The following TFE3 variants were observed in gnomAD, a reference collection of about 807,000 sequenced individuals.
TFE3 encodes the protein transcription factor binding to IGHM enhancer 3.
In TFE3, 5 loss-of-function variants were observed where a neutral mutation model predicts 35.0. The observed-to-expected ratio is 0.14, with a 90% CI of 0.07 to 0.30. The LOEUF (loss-of-function observed/expected upper bound fraction) is 0.30, where lower values mean the gene tolerates loss of function less well. Among genes scored for constraint, TFE3 ranks in the 10% least tolerant of loss-of-function variants. TFE3 has a pLI of 1.00. For missense variants in TFE3, 374 were observed against 496.6 expected (o/e 0.75, Z 2.35); for synonymous variants, 211 against 215.6 (o/e 0.98, Z 0.18).
rs2064738636 is a variant in TFE3 at position 49,037,776 on chromosome X, G to A, written c.885+234C>T. 3 of 367,880 alleles carry A rather than the reference G, an allele frequency of 8.2e-6. No individual in the cohort carries two copies. In the South Asian group the frequency reaches 1.5e-4, roughly 19 times the overall value. 30.3% of individuals were successfully genotyped at this position (367,880 alleles called of 1,213,427 possible). A position where few individuals can be genotyped will look rare whatever the true frequency, so the allele number is the denominator to read the frequency against. On this transcript the variant is annotated intron_variant, in intron 5 of 9. Transcript: ENST00000315869. Reference sequence around the variant, plus strand: ...CCCAAGCACTTTGATATGCCCTACTGTCTCAGTGAACTCCCCACCTGTATC... The same window carrying A: ...CCCAAGCACTTTGATATGCCCTACTATCTCAGTGAACTCCCCACCTGTATC...
intron 1 of TFE3, among the ~76,000 whole-genome samples, chrX:49,041,530 G>A (rs2064760413): frequency 9.0e-6 from 1 of 111,460 alleles, no homozygotes; most frequent in African/African-American, 3.3e-5. Flanking sequence ...GGAGAATTTG[G>A]GTGGTTGATC....
At chrX:49,033,348 G>T in intron 8 of TFE3, 117 bp downstream of exon 8, 1 of 655,653 alleles carries the variant, frequency 1.5e-6, no homozygotes, top group South Asian at 2.6e-5. Context: ...GAAAGAACCA[G>T]ACAGAGGAGA....
At chrX:49,037,567 C>T (rs2064737350) in intron 5 of TFE3, among the ~76,000 whole-genome samples, 1 of 110,102 alleles carries the variant, frequency 9.1e-6, no homozygotes, top group Non-Finnish European at 1.9e-5. Flanking sequence ...GGTATGGTGG[C>T]ACGTGCCTAT....
At position 49,028,954 on chromosome X, in the gene TFE3, G is replaced by T. The variant is rs2064682670; in HGVS notation, c.*1204C>A. On this transcript the variant is annotated 3_prime_UTR_variant, in exon 10 of 10. Transcript: ENST00000315869. ...CTGGGTGGGGAACAGAGGTTGGGGT[G>T]GCCTAGATTCTCAGTATGCGGAGCA... 1 of 171,150 alleles carries T rather than the reference G, an allele frequency of 5.8e-6. No individual in the cohort carries two copies. Among genetic ancestry groups the T allele is most frequent in the African/African-American group, 3.0e-5 (1 of 33,380 alleles). 14.1% of individuals were successfully genotyped at this position (171,150 alleles called of 1,213,427 possible). A position where few individuals can be genotyped will look rare whatever the true frequency, so the allele number is the denominator to read the frequency against.
intron 8 of TFE3, among the ~76,000 whole-genome samples, chrX:49,033,205 G>A (rs2064709493): frequency 9.0e-6 from 1 of 111,035 alleles, no homozygotes; most frequent in Admixed American, 9.6e-5. Context: ...AAAAAAAAAA[G>A]GAAGTACTAA....
Position 49,043,141 on chromosome X carries a change from C to G in TFE3, c.86G>C (p.Arg29Pro), listed in dbSNP as rs1557075987. The G allele has an allele frequency of 8.4e-7, 1 of 1,193,051 alleles. No homozygotes were observed. The highest frequency in any genetic ancestry group is 2.2e-5 in the Admixed American group (1 of 44,471). Residue 29 changes from arginine (R) to proline (P), a missense_variant, in exon 1 of 10, where the codon CGC becomes CCC. Transcript: ENST00000315869. ...CAGCTGAGCCGAGTCGGCCGGCCTG[C>G]GCTCCTCCAACAGCACGAACACGGC... ...PRAVFVLLEE[R>P]RPADSAQLLS...
rs1557074178 is a variant in TFE3, at chrX:49,033,719, G to C, written c.1060+7C>G. On this transcript the variant is annotated splice_region_variant and intron_variant, in intron 7 of 9. Coordinates refer to ENST00000315869, the MANE Select transcript of TFE3 (RefSeq NM_006521.6). ...CACCCGGGCAATGCACACGCTCTCT[G>C]GCTTACTTAGGTTGTGATTGTCTTT... The C allele has an allele frequency of 2.5e-6, 3 of 1,209,504 alleles. No individual in the cohort carries two copies. The African/African-American group carries it at 5.3e-5, about 21-fold the overall frequency.
chrX:49,043,100 C>T lies in TFE3; in HGVS notation c.116+11G>A. ...CCCAGTCGGCACTCCCAGCCCCAGG[C>T]GGCCCCGCACCTGAGCAGCTGAGCC... On this transcript the variant is annotated intron_variant, in intron 1 of 9. Transcript: ENST00000315869. 1 of 1,152,944 alleles carries T rather than the reference C, an allele frequency of 8.7e-7. No homozygotes were observed. The highest frequency in any genetic ancestry group is 1.2e-6 in the Non-Finnish European group (1 of 866,440).
chrX:49,040,303 G>T, intron 2 of TFE3, 152 bp downstream of exon 2: 1 of 435,245 alleles, frequency 2.3e-6, no homozygotes, highest in Non-Finnish European at 4.0e-6. Flanking sequence ...TTTCCTGTGT[G>T]ACATGCTCTT....
intron 1 of TFE3, 96 bp downstream of exon 1, chrX:49,043,015 C>T (rs1051775514): frequency 1.2e-5 from 9 of 742,832 alleles, no homozygotes; most frequent in Non-Finnish European, 1.7e-5. Flanking sequence ...AAGGCTAGGC[C>T]GAGGGCCTCC....
chrX:49,038,168 T>G, intron 4 of TFE3, 29 bp downstream of exon 4: 1 of 1,212,099 alleles, frequency 8.3e-7, no homozygotes, highest in Non-Finnish European at 1.1e-6. Flanking sequence ...GAGGGGAATG[T>G]GGGAGGAGGT....
chrX:49,034,076 G>A, intron 6 of TFE3, 58 bp downstream of exon 6: 2 of 997,603 alleles, frequency 2.0e-6, no homozygotes, highest in Non-Finnish European at 2.9e-6. Flanking sequence ...GACCTGGTAG[G>A]CACAGGGCTC....
In TFE3 at chrX:49,038,221, G is replaced by A. The variant is rs879958654; in HGVS notation, c.756C>T (p.Thr252=). ...SAPNSPMALL[T]IGSSSEKEID... ...CCTCCTTCTCTGAGCTGGACCCGAT[G>A]GTGAGCAGCGCCATGGGGCTGTTGG... The change falls in exon 4 of 10, where the codon ACC becomes ACT. Residue 252 remains threonine (T), a synonymous_variant. Transcript: ENST00000315869. The A allele has an allele frequency of 2.5e-6, 3 of 1,211,658 alleles. No individual in the cohort carries two copies. Among genetic ancestry groups the A allele is most frequent in the South Asian group, 3.5e-5 (2 of 56,980 alleles).
Position 49,040,413 on chromosome X carries a change from T to C in TFE3, c.230+42A>G, listed in dbSNP as rs782485856. ...GCCCATCAAGAGGGGAGAGGAGGGC[T>C]GAGGAATTGGGAGGGGAATCAGATA... On this transcript the variant is annotated intron_variant, in intron 2 of 9. Transcript: ENST00000315869. 2.9e-5 allele frequency: 31 copies of C among 1,059,436 alleles called. No homozygotes were observed. In the East Asian group the frequency reaches 9.4e-4, roughly 32 times the overall value. The allele number at this position is 1,059,436 out of a possible 1,213,427, so 87.3% of individuals were successfully genotyped here.
At position 49,034,177 on chromosome X, in the gene TFE3, G is replaced by A; in HGVS notation, c.960C>T (p.Asn320=). ...TGTTGGGCAGCTCAGCTGGGCAGGA[G>A]TTGCTGACAGTGATGGCTGGTGTGG... The part of the protein sequence containing the change: ...GVATPAITVS[N]SCPAELPNIK... The change falls in exon 6 of 10, where the codon AAC becomes AAT. Residue 320 remains asparagine (N), a synonymous_variant. Coordinates refer to ENST00000315869, the MANE Select transcript of TFE3 (RefSeq NM_006521.6). 8.3e-7 allele frequency: 1 copy of A among 1,211,000 alleles called. No homozygotes were observed. Among genetic ancestry groups the A allele is most frequent in the Non-Finnish European group, 1.1e-6 (1 of 894,941 alleles).
At position 49,039,379 on chromosome X, in the gene TFE3, T is replaced by C. The variant is rs781932892; in HGVS notation, c.262A>G (p.Thr88Ala). The change falls in exon 3 of 10, where the codon ACC becomes GCC. Residue 88 changes from threonine to alanine, a missense_variant. This residue lies in a region of TFE3 where 90 missense variants were observed against 87.5 expected (regional missense o/e 1.03). Coordinates refer to ENST00000315869, the MANE Select transcript of TFE3 (RefSeq NM_006521.6). ...GACGATGCAGAGAGTGTAGCTGGGGTGGCTGGTGTGGCCTGCAGTGATATT... is the reference window on the plus strand; with the variant it reads ...GACGATGCAGAGAGTGTAGCTGGGGCGGCTGGTGTGGCCTGCAGTGATATT... ...LPISLQATPA[T>A]PATLSASSSA... 1 of 1,199,528 alleles carries C rather than the reference T, an allele frequency of 8.3e-7. No individual in the cohort carries two copies. Among genetic ancestry groups the C allele is most frequent in the South Asian group, 1.8e-5 (1 of 55,260 alleles).
At chrX:49,040,649 GAGAGA>G in intron 1 of TFE3, 81 bp from the exon 2 acceptor site, 1 of 721,902 alleles carries the variant, frequency 1.4e-6, no homozygotes, top group African/African-American at 2.1e-5. Context: ...GAGAAAGAGA[GAGAGA>G]GGGGGGGAGA....
At position 49,040,489 on chromosome X, in the gene TFE3, C is replaced by T. The variant is rs1557075548; in HGVS notation, c.196G>A (p.Glu66Lys). 3.3e-6 allele frequency: 4 copies of T among 1,210,789 alleles called. No homozygotes were observed. Among genetic ancestry groups the T allele is most frequent in the East Asian group, 5.9e-5 (2 of 33,812 alleles). ...AGGGGTAAGGGTTGGCTTTTGAGCTCGTAGAAGCTGTCAGGATCAAGGACG... is the reference window on the plus strand; with the variant it reads ...AGGGGTAAGGGTTGGCTTTTGAGCTTGTAGAAGCTGTCAGGATCAAGGACG... The part of the protein sequence containing the change: ...ENVLDPDSFY[E>K]LKSQPLPLRS... The change falls in exon 2 of 10, where the codon GAG (glutamate) becomes AAG (lysine). Residue 66 changes from glutamate to lysine, a missense_variant. Glu to Lys is a moderately conservative substitution (Grantham distance 56). This residue lies in a region of TFE3 where 90 missense variants were observed against 87.5 expected (regional missense o/e 1.03). Coordinates refer to ENST00000315869, the MANE Select transcript of TFE3 (RefSeq NM_006521.6).
In TFE3 at chrX:49,033,457, A is replaced by G. The variant is rs1484208582; in HGVS notation, c.1136+8T>C. 8.3e-7 allele frequency: 1 copy of G among 1,208,470 alleles called. No homozygotes were observed. The highest frequency in any genetic ancestry group is 1.1e-6 in the Non-Finnish European group (1 of 894,416). On this transcript the variant is annotated splice_region_variant and intron_variant, in intron 8 of 9. Coordinates refer to ENST00000315869, the MANE Select transcript of TFE3 (RefSeq NM_006521.6). ...CCCGCTGGCCTGAGGGTCCCAGCCC[A>G]GACTCACGGGTCACTGGACTTAGGG...
Sources: allele counts gnomAD v4.1 joint callset (sites outside exome capture counted in the v4.1 genomes callset), GRCh38; gene constraint gnomAD v4.1.1; regional missense constraint gnomAD v4.1.1; transcripts MANE v1.5; gene names NCBI Gene and HGNC (gene_info 2026-07-23, HGNC 2026-07-21).